Variants in SUB1 observed in about 807,000 individuals in gnomAD.
SUB1 encodes the protein SUB1 regulator of transcription.
In SUB1, 1 loss-of-function variant was observed where a neutral mutation model predicts 16.9. The ratio of observed to expected loss-of-function variants is 0.06; its 90% CI spans 0.02 to 0.28. The LOEUF (loss-of-function observed/expected upper bound fraction) is 0.28. Ranked by LOEUF, SUB1 falls within the 10% of genes least tolerant of loss-of-function variation. SUB1 has a pLI of 1.00. For synonymous variants in SUB1, 51 were observed against 46.9 expected (o/e 1.09, Z -0.36); for missense variants, 84 against 145.2 (o/e 0.58, Z 2.16).
At position 32,602,834 on chromosome 5, in the gene SUB1, A is replaced by G. The variant is rs529613835; in HGVS notation, c.*1750A>G. The G allele has an allele frequency of 6.6e-6, 1 of 152,316 alleles. No homozygotes were observed. The highest frequency in any genetic ancestry group is 2.1e-4 in the South Asian group (1 of 4,830). 9.4% of individuals were successfully genotyped at this position (152,316 alleles called of 1,614,324 possible). Reference sequence around the variant, plus strand: ...AACTCCCAAAGTTTGTACTTTAGACACATCATGCTTGATTGGTAACTTCCC... The same window carrying G: ...AACTCCCAAAGTTTGTACTTTAGACGCATCATGCTTGATTGGTAACTTCCC... On this transcript the variant is annotated 3_prime_UTR_variant, in exon 5 of 5. Coordinates refer to ENST00000265073, the MANE Select transcript of SUB1 (RefSeq NM_006713.4).
chr5:32,603,485 G>GT lies in SUB1; in HGVS notation c.*2402dup, dbSNP rs1372030555. Reference sequence around the variant, plus strand: ...GGTTTTTCCTCTTCGTTTTTAAAATGTGAGTAGCATTTGACCAATTTCCAG... The same window carrying GT: ...GGTTTTTCCTCTTCGTTTTTAAAATGTTGAGTAGCATTTGACCAATTTCCAG... On this transcript the variant is annotated 3_prime_UTR_variant, in exon 5 of 5. Coordinates refer to ENST00000265073, the MANE Select transcript of SUB1 (RefSeq NM_006713.4). 1 of 152,098 alleles carries GT rather than the reference G, an allele frequency of 6.6e-6. No individual in the cohort carries two copies. Among genetic ancestry groups the GT allele is most frequent in the Admixed American group, 6.5e-5 (1 of 15,270 alleles). 9.4% of individuals were successfully genotyped at this position (152,098 alleles called of 1,614,324 possible).
intron 3 of SUB1, chr5:32,598,668 C>T (rs911528480): frequency 9.7e-5 from 22 of 226,512 alleles, no homozygotes; most frequent in Non-Finnish European, 1.5e-4. Flanking sequence ...TTTATGCATT[C>T]ATGACATACC....
chr5:32,590,762 ATTTTTTTTT>A (rs70961652), intron 2 of SUB1, among the ~76,000 whole-genome samples: 5 of 33,978 alleles, frequency 1.5e-4, no homozygotes, highest in East Asian at 1.2e-3. Flanking sequence ...CGCCTGGCTA[ATTTTTTTTT>A]TTTTTTTTTT....
intron 3 of SUB1, chr5:32,596,435 C>T (rs932017986): frequency 2.6e-5 from 4 of 152,074 alleles, no homozygotes; most frequent in Non-Finnish European, 4.4e-5. Flanking sequence ...TTGCTTAATG[C>T]TTATTTTCTG....
chr5:32,593,462 A>G (rs1738881339), intron 3 of SUB1, among the ~76,000 whole-genome samples: 1 of 152,060 alleles, frequency 6.6e-6, no homozygotes, highest in African/African-American at 2.4e-5. Context: ...TTATACTTCT[A>G]GGTAAAAAAG....
rs188897541 is a variant in SUB1 at position 32,588,442 on chromosome 5, T to C, written c.-1-70T>C. ...ACTTGTCCTTGATTTTTTTCTTTGATTGGGGGAGAGCTAAGTTGAAAGTAG... is the reference window on the plus strand; with the variant it reads ...ACTTGTCCTTGATTTTTTTCTTTGACTGGGGGAGAGCTAAGTTGAAAGTAG... On this transcript the variant is annotated intron_variant, in intron 1 of 4. Transcript: ENST00000265073. 377 of 1,354,820 alleles carry C rather than the reference T, an allele frequency of 2.8e-4. 1 individual carries two copies. The African/African-American group carries it at 4.5e-3, about 16-fold the overall frequency. The allele number at this position is 1,354,820 out of a possible 1,614,324, so 83.9% of individuals were successfully genotyped here. A position where few individuals can be genotyped will look rare whatever the true frequency, so the allele number is the denominator to read the frequency against.
intron 3 of SUB1, chr5:32,595,875 T>C (rs991135806): frequency 1.3e-4 from 20 of 152,298 alleles, no homozygotes; most frequent in African/African-American, 4.3e-4. Flanking sequence ...CTCATGGTGG[T>C]TTTACTTTCC....
At chr5:32,591,361 A>C in intron 2 of SUB1, 1 of 601,198 alleles carries the variant, frequency 1.7e-6, no homozygotes, top group South Asian at 4.5e-5. Context: ...GGATCCTGAG[A>C]ACAGAGTTTG....
chr5:32,587,016 A>C (rs1476187226), intron 1 of SUB1, among the ~76,000 whole-genome samples: 12 of 152,104 alleles, frequency 7.9e-5, no homozygotes, highest in East Asian at 1.9e-4. Context: ...GAGGAATTTT[A>C]AGTCTTTTTT....
At chr5:32,586,386 G>T (rs140015801) in intron 1 of SUB1, 1 of 152,144 alleles carries the variant, frequency 6.6e-6, no homozygotes, top group African/African-American at 2.4e-5. Context: ...TGAAGATTTC[G>T]TTTCTCTTTT....
intron 1 of SUB1, chr5:32,585,857 G>A (rs1330272353): frequency 6.6e-6 from 1 of 152,670 alleles, no homozygotes; most frequent in East Asian, 1.9e-4. Flanking sequence ...GGGGAGCCGA[G>A]TCGAGGCGGC....
chr5:32,598,067 T>TAAAA (rs1453657471), intron 3 of SUB1: 17 of 152,022 alleles, frequency 1.1e-4, no homozygotes, highest in African/African-American at 4.1e-4. Context: ...TTTTTATTTT[T>TAAAA]ATTTTTATTT....
Position 32,596,344 on chromosome 5 carries a change from G to A in SUB1, c.196-2617G>A, listed in dbSNP as rs551903121. 3 of 152,110 alleles carry A rather than the reference G, an allele frequency of 2.0e-5. No homozygotes were observed. In the East Asian group the frequency reaches 5.8e-4, roughly 29 times the overall value. 9.4% of individuals were successfully genotyped at this position (152,110 alleles called of 1,614,324 possible). A position where few individuals can be genotyped will look rare whatever the true frequency, so the allele number is the denominator to read the frequency against. On this transcript the variant is annotated intron_variant, in intron 3 of 4. Coordinates refer to ENST00000265073, the MANE Select transcript of SUB1 (RefSeq NM_006713.4). ...GAGTGAATATTTTCTTTAGGTTTCT[G>A]GTTTACCTTTTTATTTTCTGAAGCA...
At position 32,602,291 on chromosome 5, in the gene SUB1, GAAATT is replaced by G. The variant is rs1739134138; in HGVS notation, c.*1211_*1215del. 5 of 447,798 alleles carry G rather than the reference GAAATT, an allele frequency of 1.1e-5. No homozygotes were observed. Among genetic ancestry groups the G allele is most frequent in the South Asian group, 6.3e-5 (4 of 63,270 alleles). 27.7% of individuals were successfully genotyped at this position (447,798 alleles called of 1,614,324 possible). On this transcript the variant is annotated 3_prime_UTR_variant, in exon 5 of 5. Transcript: ENST00000265073. ...AATGTTTATAAAGGGAATTATAACT[GAAATT>G]AAAGGAGGCGGCAGTGAAGAGGAAA...
At position 32,591,696 on chromosome 5, in the gene SUB1, CTA is replaced by C. The variant is rs780946386; in HGVS notation, c.195+13_195+14del. 5.3e-6 allele frequency: 8 copies of C among 1,511,094 alleles called. No individual in the cohort carries two copies. The highest frequency in any genetic ancestry group is 4.0e-5 in the South Asian group (3 of 74,526). 93.6% of individuals were successfully genotyped at this position (1,511,094 alleles called of 1,614,324 possible). ...GATAACATGTTTCAGGTAAAGTTGG[CTA>C]TTTTTTTTTTTTTTTTTTTTGACAT... On this transcript the variant is annotated intron_variant, in intron 3 of 4. Coordinates refer to ENST00000265073, the MANE Select transcript of SUB1 (RefSeq NM_006713.4).
chr5:32,588,814 A>C (rs1216813465), intron 2 of SUB1, among the ~76,000 whole-genome samples: 1 of 152,014 alleles, frequency 6.6e-6, no homozygotes, highest in Non-Finnish European at 1.5e-5. Context: ...TCTTTAAAAA[A>C]ATAAATAAAT....
At chr5:32,594,549 G>A (rs2111671102) in intron 3 of SUB1, 1 of 448,932 alleles carries the variant, frequency 2.2e-6, no homozygotes, top group East Asian at 7.0e-5. Context: ...TTTAATTTGA[G>A]TTTTCTTTTT....
chr5:32,588,300 T>C (rs1049157821), intron 1 of SUB1, among the ~76,000 whole-genome samples: 3 of 152,330 alleles, frequency 2.0e-5, no homozygotes, highest in African/African-American at 7.2e-5. Flanking sequence ...TTCATTGTTC[T>C]TACTGGGTTC....
At chr5:32,600,218 G>T (rs1481953683) in intron 4 of SUB1, among the ~76,000 whole-genome samples, 3 of 152,200 alleles carry the variant, frequency 2.0e-5, no homozygotes, top group Non-Finnish European at 4.4e-5. Flanking sequence ...GCAGTTACCC[G>T]GGTATACTCT....
Sources: gnomAD v4.1 joint callset for allele counts (sites outside exome capture counted in the v4.1 genomes callset) on GRCh38, gnomAD v4.1.1 for gene constraint, MANE v1.5 for transcripts, NCBI Gene and HGNC (gene_info 2026-07-23, HGNC 2026-07-21) for gene names.